CFAP20DC: variants seen among roughly 807,000 people sequenced by gnomAD.
The protein encoded by CFAP20DC is protein CFAP20DC.
Under a neutral mutation model 101.7 loss-of-function variants are expected in CFAP20DC, and 84 were observed. The observed-to-expected ratio is 0.83, with a 90% CI of 0.69 to 0.99. CFAP20DC has a LOEUF of 0.99. CFAP20DC is among the 50% of genes least tolerant of loss of function. The pLI is 0.00. For missense variants in CFAP20DC, 1,007 were observed against 970.3 expected (o/e 1.04, Z -0.50); for synonymous variants, 359 against 351.2 (o/e 1.02, Z -0.25).
At chr3:58,838,028 T>C (rs1048868900) in intron 13 of CFAP20DC, among the ~76,000 whole-genome samples, 5 of 152,146 alleles carry the variant, frequency 3.3e-5, no homozygotes, top group African/African-American at 1.2e-4. Flanking sequence ...GAGTTTAACC[T>C]GACTCATTGG....
chr3:58,751,736 C>T (rs1011236433), intron 16 of CFAP20DC, among the ~76,000 whole-genome samples: 1 of 152,012 alleles, frequency 6.6e-6, no homozygotes, highest in Non-Finnish European at 1.5e-5. Context: ...TGGCTGGGCT[C>T]TGGGGCCAGG....
chr3:58,728,659 T>C lies in CFAP20DC; in HGVS notation c.198-11031A>G, dbSNP rs568112490. 6.8e-4 allele frequency among the ~76,000 whole-genome samples: 104 copies of C among 152,246 alleles called. No homozygotes were observed. The highest frequency in any genetic ancestry group is 2.3e-3 in the African/African-American group (97 of 41,554). ...CAGAGTTCCATTCATTTTAGGCTGA[T>C]TGTGGAGGAAATCATATGCCAGAGC... is the stretch of plus-strand genomic sequence containing the variant. On this transcript the variant is annotated intron_variant, in intron 3 of 3. Transcript: ENST00000486145. The surrounding 1 kb of genome is among the most constrained non-coding windows in gnomAD (Gnocchi z 4.7).
chr3:58,840,503 A>AG (rs1159745947), intron 13 of CFAP20DC, among the ~76,000 whole-genome samples: 1 of 152,202 alleles, frequency 6.6e-6, no homozygotes, highest in African/African-American at 2.4e-5. Flanking sequence ...TTCTCTCTTT[A>AG]GGTTATCCCT....
chr3:58,970,751 T>C (rs940668701), intron 4 of CFAP20DC: 1 of 152,152 alleles, frequency 6.6e-6, no homozygotes, highest in Non-Finnish European at 1.5e-5. Context: ...TGTCCTTCCA[T>C]TGTACTGAGA....
At chr3:58,751,322 T>G (rs2068549758) in intron 16 of CFAP20DC, among the ~76,000 whole-genome samples, 1 of 152,214 alleles carries the variant, frequency 6.6e-6, no homozygotes. Flanking sequence ...AGTGGCAGAC[T>G]GATCTACTTA....
At chr3:58,941,019 G>A (rs755547566) in intron 4 of CFAP20DC, among the ~76,000 whole-genome samples, 1 of 152,002 alleles carries the variant, frequency 6.6e-6, no homozygotes, top group Non-Finnish European at 1.5e-5. Flanking sequence ...TGACACAATT[G>A]AAAATGAATT....
intron 14 of CFAP20DC, among the ~76,000 whole-genome samples, chr3:58,807,679 C>G (rs764717004): frequency 1.3e-5 from 2 of 152,194 alleles, no homozygotes; most frequent in Non-Finnish European, 2.9e-5. Flanking sequence ...TCCAAAGGAA[C>G]GCAGTTCCTC....
intron 15 of CFAP20DC, among the ~76,000 whole-genome samples, chr3:58,761,113 G>C (rs1242904706): frequency 7.2e-5 from 11 of 152,064 alleles, no homozygotes; most frequent in African/African-American, 9.7e-5. Context: ...AGGAATGGTA[G>C]CAGCTCCTCC....
intron 12 of CFAP20DC, among the ~76,000 whole-genome samples, chr3:58,856,619 C>G (rs997885400): frequency 1.3e-5 from 2 of 152,020 alleles, no homozygotes; most frequent in African/African-American, 4.8e-5. Context: ...ACTGTCAGAG[C>G]TATCTGAAAA....
chr3:58,996,335 G>A (rs1392002635), intron 4 of CFAP20DC, among the ~76,000 whole-genome samples: 1 of 152,078 alleles, frequency 6.6e-6, no homozygotes, highest in East Asian at 1.9e-4. Context: ...CCCATTCTAG[G>A]CTTCACGTAA....
rs139574013 is a variant in CFAP20DC at position 58,753,801 on chromosome 3, C to T, written c.2300G>A (p.Arg767His). 1,150 of 1,612,708 alleles carry T rather than the reference C, an allele frequency of 7.1e-4. 4 individuals are homozygous for T. Among genetic ancestry groups the T allele is most frequent in the Non-Finnish European group, 8.5e-4 (997 of 1,179,272 alleles). ...VPPSQQPAEQ[R>H]PDSCESLSVQ... Reference sequence around the variant, plus strand: ...ACTCAAACTTTCACAGGAATCTGGACGCTGCTCAGCCGGCTGTTGACTGGG... The same window carrying T: ...ACTCAAACTTTCACAGGAATCTGGATGCTGCTCAGCCGGCTGTTGACTGGG... Residue 767 changes from arginine (R) to histidine (H), a missense_variant, in exon 16 of 17, where the codon CGT (arginine) becomes CAT (histidine). Transcript: ENST00000482387.
intron 16 of CFAP20DC, among the ~76,000 whole-genome samples, chr3:58,743,140 G>C (rs1332830661): frequency 1.3e-5 from 2 of 152,154 alleles, no homozygotes; most frequent in Non-Finnish European, 2.9e-5. Context: ...CGGGAAGTCT[G>C]CTCAGTGTTT....
intron 15 of CFAP20DC, among the ~76,000 whole-genome samples, chr3:58,756,621 G>T (rs1432809395): frequency 2.0e-5 from 3 of 151,938 alleles, no homozygotes; most frequent in Non-Finnish European, 2.9e-5. Context: ...CACATTTGGG[G>T]TAAGAGTCAC....
chr3:58,764,142 TAC>T (rs2070008469), intron 15 of CFAP20DC, among the ~76,000 whole-genome samples: 1 of 152,208 alleles, frequency 6.6e-6, no homozygotes. Flanking sequence ...AGGTGGAGTC[TAC>T]AGAGACAGGC....
At chr3:58,941,236 G>A (rs2088519665) in intron 4 of CFAP20DC, among the ~76,000 whole-genome samples, 1 of 148,690 alleles carries the variant, frequency 6.7e-6, no homozygotes, top group African/African-American at 2.5e-5. Context: ...GGGTGAGGCA[G>A]GAGAATCGCT....
intron 5 of CFAP20DC, among the ~76,000 whole-genome samples, chr3:58,916,513 T>G (rs1165893395): frequency 6.6e-6 from 1 of 152,198 alleles, no homozygotes; most frequent in South Asian, 2.1e-4. Context: ...TATGTGTGTG[T>G]GTGTATGAAC....
In CFAP20DC at chr3:58,757,371, T is replaced by TAC. The variant is rs1300048440; in HGVS notation, c.2238-3510_2238-3509dup. On this transcript the variant is annotated intron_variant, in intron 15 of 16. Transcript: ENST00000482387. ...CATGTATGTAATACACATGTGTACA[T>TAC]ACATACACACACACACATATATATA... 2.5e-4 allele frequency among the ~76,000 whole-genome samples: 38 copies of TAC among 149,830 alleles called. 1 individual carries two copies. The East Asian group carries it at 8.2e-3, about 32-fold the overall frequency.
intron 6 of CFAP20DC, among the ~76,000 whole-genome samples, chr3:58,909,386 T>C (rs1174777308): frequency 6.6e-6 from 1 of 152,232 alleles, no homozygotes; most frequent in Non-Finnish European, 1.5e-5. Context: ...ATATTTCTTC[T>C]CTTGTACAAC....
chr3:58,934,766 C>T (rs986271619), intron 5 of CFAP20DC, among the ~76,000 whole-genome samples: 15 of 152,178 alleles, frequency 9.9e-5, no homozygotes, highest in African/African-American at 3.6e-4. Flanking sequence ...ATTGATGGGA[C>T]ATATCTGAAA....
Sources: gnomAD v4.1 joint callset for allele counts (sites outside exome capture counted in the v4.1 genomes callset) on GRCh38, gnomAD v4.1.1 for gene constraint, Gnocchi (gnomAD v3.1) non-coding constraint, MANE v1.5 for transcripts, NCBI Gene and HGNC (gene_info 2026-07-23, HGNC 2026-07-21) for gene names.